Variants in PKP1 observed in about 807,000 individuals in gnomAD.
PKP1 encodes plakophilin 1.
PKP1 carries 27 observed loss-of-function variants against 76.4 expected under a neutral mutation model. The ratio of observed to expected loss-of-function variants is 0.35; its 90% CI spans 0.26 to 0.49. The LOEUF (loss-of-function observed/expected upper bound fraction) is 0.49, where lower values mean the gene tolerates loss of function less well. PKP1 is among the 20% of genes least tolerant of loss of function. The pLI is 0.99. For synonymous variants in PKP1, 404 were observed against 384.2 expected (o/e 1.05, Z -0.60); for missense variants, 964 against 955.2 (o/e 1.01, Z -0.12).
At chr1:201,307,871 G>A (rs1047713309) in intron 2 of PKP1, among the ~76,000 whole-genome samples, 1 of 152,206 alleles carries the variant, frequency 6.6e-6, no homozygotes, top group African/African-American at 2.4e-5. Flanking sequence ...TTCATGAAAA[G>A]GGCCTTGGGA....
rs149193673 is a variant in PKP1 at position 201,323,067 on chromosome 1, G to A, written c.1558G>A (p.Gly520Ser). Residue 520 changes from glycine to serine, a missense_variant, in exon 9 of 14, where the codon GGC (glycine) becomes AGC (serine). Coordinates refer to ENST00000367324, the MANE Select transcript of PKP1 (RefSeq NM_001005337.3). ...PEEETNPKGS[G>S]WLYHSDAIRT... ...GGAAGAGACCAACCCCAAGGGCAGC[G>A]GCTGGTTGTACCATTCAGATGCCAT... The A allele has an allele frequency of 4.2e-5, 67 of 1,614,114 alleles. No individual in the cohort carries two copies. In the African/African-American group the frequency reaches 5.9e-4, roughly 14 times the overall value.
chr1:201,325,518 G>A (rs1465594270), intron 11 of PKP1, among the ~76,000 whole-genome samples: 2 of 152,010 alleles, frequency 1.3e-5, no homozygotes, highest in East Asian at 1.9e-4. Flanking sequence ...CCACCTCATG[G>A]CCCCTGAGGA....
intron 11 of PKP1, 121 bp from the exon 12 acceptor site, chr1:201,325,633 G>C: frequency 1.3e-6 from 1 of 774,692 alleles, no homozygotes; most frequent in Non-Finnish European, 2.3e-6. Flanking sequence ...TTGCACACCT[G>C]AGGCCTCCTC....
chr1:201,319,533 G>A (rs1447981637), intron 6 of PKP1, among the ~76,000 whole-genome samples: 2 of 152,126 alleles, frequency 1.3e-5, no homozygotes, highest in Non-Finnish European at 2.9e-5. Context: ...GCCAGCCTCC[G>A]GTAGCAGCCT....
intron 2 of PKP1, among the ~76,000 whole-genome samples, chr1:201,295,777 G>A (rs1383273365): frequency 6.6e-6 from 1 of 152,126 alleles, no homozygotes; most frequent in African/African-American, 2.4e-5. Context: ...TCACTCACGG[G>A]TTGATATCAG....
intron 5 of PKP1, among the ~76,000 whole-genome samples, chr1:201,318,079 C>T (rs1433853799): frequency 1.3e-5 from 2 of 152,082 alleles, no homozygotes; most frequent in African/African-American, 4.8e-5. Context: ...CCTGGGATTC[C>T]CAGGTGATGG....
intron 2 of PKP1, among the ~76,000 whole-genome samples, chr1:201,297,255 G>C (rs1272374970): frequency 6.6e-6 from 1 of 152,128 alleles, no homozygotes; most frequent in Non-Finnish European, 1.5e-5. Context: ...AAAGTCATTG[G>C]CCCAGTCCAT....
At chr1:201,311,923 G>T (rs1312383246) in intron 2 of PKP1, among the ~76,000 whole-genome samples, 1 of 152,206 alleles carries the variant, frequency 6.6e-6, no homozygotes. Flanking sequence ...GAACTGATTC[G>T]CACCAAGTCT....
chr1:201,318,839 GC>G, intron 6 of PKP1, 44 bp downstream of exon 6: 1 of 1,515,362 alleles, frequency 6.6e-7, no homozygotes, highest in Non-Finnish European at 9.0e-7. Flanking sequence ...CCAGCCTTGG[GC>G]CCTTCCCCAG....
rs142096411 is a variant in PKP1, at chr1:201,324,489, G to A, written c.1742G>A (p.Arg581His). 923 of 1,614,066 alleles carry A rather than the reference G, an allele frequency of 5.7e-4. 9 individuals carry two copies. The African/African-American group carries it at 0.011, about 18-fold the overall frequency. ...GAAAAGGGCCTGCCACAAATTGCCC[G>A]CCTCCTGCAATCTGGCAACTCTGAT... ...LKEKGLPQIARLLQSGNSDVV... is the reference protein window; with the variant it reads ...LKEKGLPQIAHLLQSGNSDVV... Residue 581 changes from arginine to histidine, a missense_variant, in exon 10 of 14, where the codon CGC (arginine) becomes CAC (histidine). Arg to His is a conservative substitution (Grantham distance 29). Transcript: ENST00000367324.
chr1:201,305,143 C>T (rs1212959922), intron 2 of PKP1, among the ~76,000 whole-genome samples: 5 of 152,178 alleles, frequency 3.3e-5, no homozygotes, highest in East Asian at 1.9e-4. Context: ...CATGCATGCA[C>T]GCATGCTTCT....
Position 201,313,186 on chromosome 1 carries a change from G to T in PKP1, c.327G>T (p.Lys109Asn). 5.0e-6 allele frequency: 8 copies of T among 1,609,116 alleles called. No homozygotes were observed. Among genetic ancestry groups the T allele is most frequent in the Non-Finnish European group, 5.9e-6 (7 of 1,178,186 alleles). ...WGYPIYNGTL[K>N]REPDNRRFSS... is the part of the protein sequence containing the mutation. ...GCCAGATCTACAATGGAACCCTCAA[G>T]CGGGAGCCTGACAACAGGCGCTTCA... The change falls in exon 3 of 14, where the codon AAG becomes AAT. Residue 109 changes from lysine to asparagine, a missense_variant. By Grantham distance (94) the Lys-to-Asn change is moderately conservative. Transcript: ENST00000367324.
At chr1:201,293,769 G>T (rs1655994099) in intron 1 of PKP1, among the ~76,000 whole-genome samples, 173 bp from the exon 2 acceptor site, 1 of 152,224 alleles carries the variant, frequency 6.6e-6, no homozygotes, top group Admixed American at 6.5e-5. Context: ...GGTCCCGGCT[G>T]TGGAGGATGT....
chr1:201,291,347 C>T (rs1193110484), intron 1 of PKP1, among the ~76,000 whole-genome samples: 2 of 152,230 alleles, frequency 1.3e-5, no homozygotes. Context: ...AGAGTTCATG[C>T]TGGACATGGG....
chr1:201,328,896 C>T, intron 13 of PKP1, 28 bp downstream of exon 13: 1 of 1,350,792 alleles, frequency 7.4e-7, no homozygotes, highest in African/African-American at 1.4e-5. Context: ...CTCAGGGATG[C>T]CTCTGGGACC....
intron 2 of PKP1, among the ~76,000 whole-genome samples, chr1:201,296,647 T>C (rs747124899): frequency 7.9e-5 from 12 of 152,196 alleles, no homozygotes; most frequent in East Asian, 1.9e-4. Context: ...GACTTTGCCC[T>C]CAATGAACCT....
chr1:201,321,837 T>G, intron 7 of PKP1, 141 bp from the exon 8 acceptor site: 2 of 905,572 alleles, frequency 2.2e-6, no homozygotes, highest in Non-Finnish European at 3.5e-6. Context: ...CTTCCCAGGC[T>G]GATAGTGTGG....
chr1:201,296,525 A>G (rs1481009140), intron 2 of PKP1, among the ~76,000 whole-genome samples: 1 of 152,226 alleles, frequency 6.6e-6, no homozygotes, highest in Non-Finnish European at 1.5e-5. Context: ...CTGATGAAGG[A>G]TCATTTGCTG....
intron 1 of PKP1, among the ~76,000 whole-genome samples, chr1:201,285,259 CACACA>C (rs1655695907): frequency 7.1e-6 from 1 of 140,910 alleles, no homozygotes; most frequent in African/African-American, 2.6e-5. Flanking sequence ...CACACACACA[CACACA>C]CCTCACACTT....
Sources: allele counts gnomAD v4.1 joint callset (sites outside exome capture counted in the v4.1 genomes callset), GRCh38; gene constraint gnomAD v4.1.1; transcripts MANE v1.5; gene names NCBI Gene and HGNC (gene_info 2026-07-23, HGNC 2026-07-21).